Variants in GPC5 observed in about 807,000 individuals in gnomAD.
GPC5 encodes the protein glypican 5, also known as glypican-5.
Under a neutral mutation model 53.9 loss-of-function variants are expected in GPC5, and 47 were observed. The ratio of observed to expected loss-of-function variants is 0.87; its 90% CI spans 0.69 to 1.11. The LOEUF (loss-of-function observed/expected upper bound fraction) is 1.11, where lower values mean the gene tolerates loss of function less well. Ranked by LOEUF, GPC5 falls within the 50% of genes most tolerant of loss-of-function variation. The pLI, the probability that GPC5 is intolerant of heterozygous loss-of-function variation, is 0.00. For synonymous variants in GPC5, 286 were observed against 263.3 expected (o/e 1.09, Z -0.84); for missense variants, 748 against 713.1 (o/e 1.05, Z -0.56).
At chr13:92,687,949 C>T (rs1297792650) in intron 7 of GPC5, among the ~76,000 whole-genome samples, 1 of 39,364 alleles carries the variant, frequency 2.5e-5, no homozygotes, top group Non-Finnish European at 3.9e-5. Context: ...TTTTGATGTG[C>T]TGCTGGATTC....
At chr13:91,728,801 T>A in intron 4 of GPC5, 136 bp downstream of exon 4, 1 of 916,208 alleles carries the variant, frequency 1.1e-6, no homozygotes, top group Non-Finnish European at 1.5e-6. Context: ...TCATTAACTT[T>A]AAAAATCAGT....
At chr13:92,645,277 C>A (rs1885730878) in intron 7 of GPC5, among the ~76,000 whole-genome samples, 1 of 152,162 alleles carries the variant, frequency 6.6e-6, no homozygotes, top group South Asian at 2.1e-4. Flanking sequence ...TCCCAAGTAG[C>A]TGGGACTACA....
intron 1 of GPC5, among the ~76,000 whole-genome samples, chr13:91,413,409 T>G (rs918653480): frequency 1.3e-5 from 2 of 151,980 alleles, no homozygotes; most frequent in African/African-American, 4.8e-5. Flanking sequence ...CCAAACAATG[T>G]GGACAGAATG....
chr13:92,457,008 C>T (rs1038339063), intron 7 of GPC5, among the ~76,000 whole-genome samples: 1 of 151,918 alleles, frequency 6.6e-6, no homozygotes, highest in Non-Finnish European at 1.5e-5. Flanking sequence ...TCCTTCTCTG[C>T]CCCATCTAGT....
chr13:91,752,348 G>T (rs527475162), intron 4 of GPC5, among the ~76,000 whole-genome samples: 13 of 152,238 alleles, frequency 8.5e-5, no homozygotes, highest in African/African-American at 2.9e-4. Flanking sequence ...GCCTCTCAAA[G>T]TGCTGGGATT....
At chr13:92,153,732 T>G (rs529732859) in intron 7 of GPC5, among the ~76,000 whole-genome samples, 1 of 152,354 alleles carries the variant, frequency 6.6e-6, no homozygotes, top group African/African-American at 2.4e-5. Context: ...TCACTAGAAA[T>G]GATGACAGTT....
intron 7 of GPC5, among the ~76,000 whole-genome samples, chr13:92,446,194 AC>A (rs758566962): frequency 6.6e-6 from 1 of 151,150 alleles, no homozygotes; most frequent in Non-Finnish European, 1.5e-5. Context: ...ATTCTTTCTA[AC>A]TTTTTTTTTA....
chr13:91,580,495 C>T (rs567847216), intron 2 of GPC5, among the ~76,000 whole-genome samples: 21 of 152,122 alleles, frequency 1.4e-4, no homozygotes, highest in African/African-American at 4.3e-4. Flanking sequence ...TTTTCTTTAG[C>T]TTTCCCACCT....
chr13:91,777,374 G>T (rs1430212138), intron 5 of GPC5, among the ~76,000 whole-genome samples: 1 of 152,154 alleles, frequency 6.6e-6, no homozygotes, highest in African/African-American at 2.4e-5. Flanking sequence ...GTTATGCTTT[G>T]ACAGTGTTAT....
intron 7 of GPC5, among the ~76,000 whole-genome samples, chr13:92,588,287 G>T (rs1883603057): frequency 6.6e-6 from 1 of 152,100 alleles, no homozygotes; most frequent in African/African-American, 2.4e-5. Flanking sequence ...AGTATTCCAT[G>T]GTGTAAATGT....
At chr13:92,383,556 T>C (rs2043767850) in intron 7 of GPC5, among the ~76,000 whole-genome samples, 1 of 152,200 alleles carries the variant, frequency 6.6e-6, no homozygotes, top group Non-Finnish European at 1.5e-5. Context: ...GTATATGGAC[T>C]CTTCTTGCAT....
chr13:91,661,905 G>A (rs899137505), intron 2 of GPC5, among the ~76,000 whole-genome samples: 1 of 152,158 alleles, frequency 6.6e-6, no homozygotes, highest in Non-Finnish European at 1.5e-5. Flanking sequence ...GTGGAGTGGG[G>A]AACAGTCATA....
chr13:92,114,595 G>A (rs373563060), intron 6 of GPC5, among the ~76,000 whole-genome samples: 1 of 152,160 alleles, frequency 6.6e-6, no homozygotes, highest in African/African-American at 2.4e-5. Flanking sequence ...TGTGATAAAT[G>A]AGAGAGAACT....
rs1351236096 is a variant in GPC5, at chr13:92,347,917, ATATATAT to A, written c.1561+202936_1561+202942del. Among the ~76,000 whole-genome samples the A allele has an allele frequency of 0.017, 267 of 15,838 alleles. 111 individuals carry two copies. The African/African-American group carries it at 0.21, about 12-fold the overall frequency. The allele number at this position is 15,838 out of a possible 152,430, so 10.4% of individuals were successfully genotyped here. A position where few individuals can be genotyped will look rare whatever the true frequency, so the allele number is the denominator to read the frequency against. On this transcript the variant is annotated intron_variant, in intron 7 of 7. Coordinates refer to ENST00000377067, the MANE Select transcript of GPC5 (RefSeq NM_004466.6). ...TATATATATAATATATATATAATATATATATATTATATATACATCTTATATGTAAACC... is the reference window on the plus strand; with the variant it reads ...TATATATATAATATATATATAATATATATATATACATCTTATATGTAAACC...
At chr13:92,514,621 A>G (rs1196111331) in intron 7 of GPC5, among the ~76,000 whole-genome samples, 1 of 152,210 alleles carries the variant, frequency 6.6e-6, no homozygotes, top group African/African-American at 2.4e-5. Flanking sequence ...AGTGGCAAGC[A>G]GAGACTGGGG....
At chr13:91,843,045 TATTTGA>T (rs1456789812) in intron 5 of GPC5, among the ~76,000 whole-genome samples, 2 of 152,268 alleles carry the variant, frequency 1.3e-5, no homozygotes, top group East Asian at 3.9e-4. Context: ...TTTTAACGGT[TATTTGA>T]ATAATCTGCC....
chr13:91,519,875 T>A (rs1438118266), intron 2 of GPC5, among the ~76,000 whole-genome samples: 7 of 22,618 alleles, frequency 3.1e-4, no homozygotes, highest in African/African-American at 9.2e-4. Context: ...GTACGTTAGG[T>A]TGAAAATGGA....
At chr13:92,521,750 T>C (rs1881057893) in intron 7 of GPC5, among the ~76,000 whole-genome samples, 1 of 152,050 alleles carries the variant, frequency 6.6e-6, no homozygotes, top group South Asian at 2.1e-4. Flanking sequence ...CCAAAAGCAA[T>C]GGCAACAGAA....
chr13:92,314,707 A>G (rs368333866), intron 7 of GPC5, among the ~76,000 whole-genome samples: 6 of 152,358 alleles, frequency 3.9e-5, no homozygotes, highest in African/African-American at 1.4e-4. Flanking sequence ...GATACATTAA[A>G]TTCTGCAGAT....
Sources: allele counts gnomAD v4.1 joint callset (sites outside exome capture counted in the v4.1 genomes callset), GRCh38; gene constraint gnomAD v4.1.1; transcripts MANE v1.5; gene names NCBI Gene and HGNC (gene_info 2026-07-23, HGNC 2026-07-21).